CERS4: variants seen among roughly 807,000 people sequenced by gnomAD.
CERS4 encodes ceramide synthase 4.
Under a neutral mutation model 51.8 loss-of-function variants are expected in CERS4, and 65 were observed. The ratio of observed to expected loss-of-function variants is 1.26; its 90% confidence interval spans 1.03 to 1.54. The LOEUF (loss-of-function observed/expected upper bound fraction) is 1.54, where lower values mean the gene tolerates loss of function less well. Among genes scored for constraint, CERS4 ranks in the 40% most tolerant of loss-of-function variants. The pLI is 0.00. For missense variants in CERS4, 563 were observed against 500.4 expected (o/e 1.13, Z -1.19); for synonymous variants, 228 against 208.4 (o/e 1.09, Z -0.81).
intron 2 of CERS4, among the ~76,000 whole-genome samples, chr19:8,236,711 A>T (rs1236752328): frequency 1.5e-5 from 2 of 137,714 alleles, no homozygotes; most frequent in Non-Finnish European, 3.1e-5. Flanking sequence ...AGAAAGAAAG[A>T]AAAAACAGGG....
At chr19:8,220,429 T>C (rs1281918656) in intron 2 of CERS4, among the ~76,000 whole-genome samples, 2 of 152,000 alleles carry the variant, frequency 1.3e-5, no homozygotes, top group Non-Finnish European at 2.9e-5. Context: ...CTCAGCCTCC[T>C]GAGCAGCTGG....
At chr19:8,257,783 G>GC (rs922244564) in intron 9 of CERS4, 96 bp from the exon 10 acceptor site, 5 of 877,214 alleles carry the variant, frequency 5.7e-6, no homozygotes, top group Non-Finnish European at 9.4e-6. Flanking sequence ...TGGAAACAAG[G>GC]CCCCACCCCA....
At chr19:8,228,612 T>G (rs1202148313) in intron 2 of CERS4, among the ~76,000 whole-genome samples, 1 of 151,384 alleles carries the variant, frequency 6.6e-6, no homozygotes, top group Non-Finnish European at 1.5e-5. Context: ...GAGGCGGAGG[T>G]TGCAGTGAGC....
chr19:8,242,705 TCAG>T (rs1968588891), intron 2 of CERS4, among the ~76,000 whole-genome samples: 1 of 152,128 alleles, frequency 6.6e-6, no homozygotes, highest in Non-Finnish European at 1.5e-5. Flanking sequence ...TTTTGTGTCT[TCAG>T]CACCCAAATA....
chr19:8,220,286 A>G (rs551835746), intron 2 of CERS4, among the ~76,000 whole-genome samples: 309 of 147,304 alleles, frequency 2.1e-3, no homozygotes, highest in Non-Finnish European at 3.8e-3. Context: ...TGTCTCTGCC[A>G]CCCTCCACCT....
chr19:8,262,229 G>C lies in CERS4; in HGVS notation c.*120G>C. The C allele has an allele frequency of 8.8e-7, 1 of 1,140,382 alleles. No homozygotes were observed. Among genetic ancestry groups the C allele is most frequent in the Non-Finnish European group, 1.2e-6 (1 of 859,580 alleles). The allele number at this position is 1,140,382 out of a possible 1,614,324, so 70.6% of individuals were successfully genotyped here. On this transcript the variant is annotated 3_prime_UTR_variant, in exon 12 of 12. Coordinates refer to ENST00000251363, the MANE Select transcript of CERS4 (RefSeq NM_024552.3). ...GACAGGGAGGGCCCCACCCGGGGTGGGTGGGAAGGCTGATGATCTGTCTCC... is the reference window on the plus strand; with the variant it reads ...GACAGGGAGGGCCCCACCCGGGGTGCGTGGGAAGGCTGATGATCTGTCTCC...
chr19:8,252,078 T>C (rs199786117), intron 3 of CERS4, among the ~76,000 whole-genome samples: 69 of 130,108 alleles, frequency 5.3e-4, no homozygotes, highest in Middle Eastern at 4.0e-3. Flanking sequence ...AAAAAAAAAA[T>C]ACAAAAATTA....
Position 8,210,115 on chromosome 19 carries a change from G to C in CERS4, c.-158-591G>C, listed in dbSNP as rs1395593655. The stretch of plus-strand genomic sequence containing the variant: ...GGTCTGAGGTGGAGAGAGGTTGGCC[G>C]GGGCCTGGGAAGCGGCGAGGAGAGT... On this transcript the variant is annotated intron_variant, in intron 1 of 11. Transcript: ENST00000251363. The surrounding 1 kb of genome is among the most constrained non-coding windows in gnomAD (Gnocchi z 4.2). Among the ~76,000 whole-genome samples the C allele has an allele frequency of 6.6e-6, 1 of 152,152 alleles. No homozygotes were observed. The highest frequency in any genetic ancestry group is 1.5e-5 in the Non-Finnish European group (1 of 68,028).
chr19:8,256,902 T>C, intron 8 of CERS4, 47 bp from the exon 9 acceptor site: 2 of 1,613,388 alleles, frequency 1.2e-6, no homozygotes, highest in South Asian at 2.2e-5. Context: ...GTGGGGGACC[T>C]TCCAGCATCA....
chr19:8,250,828 TC>T (rs538433252), intron 2 of CERS4: 348 of 1,266,078 alleles, frequency 2.7e-4, no homozygotes, highest in Middle Eastern at 2.4e-3. Flanking sequence ...ACAGCCCAAC[TC>T]TGCCTTTTAA....
chr19:8,233,447 G>A (rs1449412075), intron 2 of CERS4, among the ~76,000 whole-genome samples: 1 of 152,122 alleles, frequency 6.6e-6, no homozygotes, highest in South Asian at 2.1e-4. Flanking sequence ...GATTACAGGT[G>A]TGAGCCACCG....
intron 3 of CERS4, among the ~76,000 whole-genome samples, chr19:8,252,611 G>A (rs904245814): frequency 7.2e-5 from 11 of 152,006 alleles, no homozygotes; most frequent in Non-Finnish European, 1.5e-4. Flanking sequence ...ACTAATTTTT[G>A]TATTTTTAAT....
At chr19:8,259,026 C>T (rs185625958) in intron 10 of CERS4, among the ~76,000 whole-genome samples, 4 of 152,004 alleles carry the variant, frequency 2.6e-5, no homozygotes, top group Middle Eastern at 3.4e-3. Flanking sequence ...CCCAGCTACT[C>T]GGGAGGCTAA....
At chr19:8,214,442 GCCC>G (rs1203942754) in intron 2 of CERS4, 1 of 152,710 alleles carries the variant, frequency 6.5e-6, no homozygotes, top group Non-Finnish European at 1.5e-5. Flanking sequence ...CGGGCAGAAG[GCCC>G]AGCAGGTGCA....
At chr19:8,249,584 T>C (rs1812732287) in intron 2 of CERS4, among the ~76,000 whole-genome samples, 1 of 116,570 alleles carries the variant, frequency 8.6e-6, no homozygotes, top group Admixed American at 1.1e-4. Context: ...AAAGGAACTC[T>C]GGATTTTTTT....
intron 6 of CERS4, 57 bp downstream of exon 6, chr19:8,255,936 C>G: frequency 6.4e-7 from 1 of 1,574,330 alleles, no homozygotes; most frequent in Non-Finnish European, 8.7e-7. Flanking sequence ...TGGCCTAGAT[C>G]TGGCAGGAGT....
intron 2 of CERS4, among the ~76,000 whole-genome samples, chr19:8,216,463 A>G (rs754789161): frequency 6.6e-6 from 1 of 151,394 alleles, no homozygotes; most frequent in Non-Finnish European, 1.5e-5. Flanking sequence ...TCCACCTGAC[A>G]ATAACAAAAC....
intron 2 of CERS4, among the ~76,000 whole-genome samples, chr19:8,222,898 G>C (rs1967623698): frequency 6.6e-6 from 1 of 152,162 alleles, no homozygotes. Flanking sequence ...ACTGGAGCTT[G>C]GTTGTTCTCT....
At chr19:8,244,085 A>T (rs1968653047) in intron 2 of CERS4, among the ~76,000 whole-genome samples, 1 of 152,212 alleles carries the variant, frequency 6.6e-6, no homozygotes, top group South Asian at 2.1e-4. Context: ...GAGGCAGGAG[A>T]GACACTGTCA....
Sources: allele counts gnomAD v4.1 joint callset (sites outside exome capture counted in the v4.1 genomes callset), GRCh38; gene constraint gnomAD v4.1.1; non-coding constraint Gnocchi (gnomAD v3.1); transcripts MANE v1.5; gene names NCBI Gene and HGNC (gene_info 2026-07-23, HGNC 2026-07-21).